PRKD3: variants seen among roughly 807,000 people sequenced by gnomAD.
The protein encoded by PRKD3 is protein kinase D3, also known as serine/threonine-protein kinase D3.
In PRKD3, 47 loss-of-function variants were observed where a neutral mutation model predicts 99.2. The ratio of observed to expected loss-of-function variants is 0.47; its 90% CI spans 0.38 to 0.60. PRKD3 has a LOEUF of 0.60. PRKD3 is among the 20% of genes least tolerant of loss of function. PRKD3 has a pLI of 0.00. For synonymous variants in PRKD3, 392 were observed against 355.4 expected (o/e 1.10, Z -1.16); for missense variants, 1,019 against 1,088.4 (o/e 0.94, Z 0.90).
chr2:37,322,453 T>C (rs752611252), intron 1 of PRKD3, among the ~76,000 whole-genome samples: 2 of 152,046 alleles, frequency 1.3e-5, no homozygotes, highest in African/African-American at 2.4e-5. Context: ...GTCCTTCCAC[T>C]GTCAGAGAGT....
chr2:37,277,079 T>C (rs1424217396), intron 9 of PRKD3, among the ~76,000 whole-genome samples: 1 of 152,108 alleles, frequency 6.6e-6, no homozygotes, highest in Admixed American at 6.5e-5. Context: ...GCTAAATGTA[T>C]TGGGTACTTC....
At chr2:37,307,582 T>C (rs1449442252) in intron 2 of PRKD3, among the ~76,000 whole-genome samples, 1 of 152,242 alleles carries the variant, frequency 6.6e-6, no homozygotes, top group African/African-American at 2.4e-5. Flanking sequence ...AGAGCAGGTA[T>C]GTGTTCTTTA....
chr2:37,275,864 A>G lies in PRKD3; in HGVS notation c.1297-20T>C. The G allele has an allele frequency of 6.2e-7, 1 of 1,600,362 alleles. No homozygotes were observed. Among genetic ancestry groups the G allele is most frequent in the Non-Finnish European group, 8.5e-7 (1 of 1,174,436 alleles). ...CTTTCTCTATAAAATGAAGATTGGA[A>G]AACTGTGAGGTTCAAAAATGATTCC... On this transcript the variant is annotated intron_variant, in intron 9 of 18. Coordinates refer to ENST00000234179, the MANE Select transcript of PRKD3 (RefSeq NM_005813.6).
chr2:37,291,272 C>T (rs1670409633), intron 3 of PRKD3, among the ~76,000 whole-genome samples: 1 of 152,192 alleles, frequency 6.6e-6, no homozygotes, highest in Non-Finnish European at 1.5e-5. Flanking sequence ...TACAAACAGA[C>T]ATTAGGTTAC....
chr2:37,319,473 G>T (rs891256772), intron 1 of PRKD3, among the ~76,000 whole-genome samples: 1 of 152,100 alleles, frequency 6.6e-6, no homozygotes, highest in Non-Finnish European at 1.5e-5. Context: ...AAATTAAACT[G>T]AAACTTAAAG....
intron 10 of PRKD3, among the ~76,000 whole-genome samples, chr2:37,275,177 C>A (rs1303697296): frequency 6.8e-6 from 1 of 146,702 alleles, no homozygotes; most frequent in Non-Finnish European, 1.5e-5. Flanking sequence ...TATTTTTAGT[C>A]CACTTCCTAA....
chr2:37,292,687 C>T (rs1158233305), intron 3 of PRKD3, among the ~76,000 whole-genome samples: 1 of 151,578 alleles, frequency 6.6e-6, no homozygotes, highest in Non-Finnish European at 1.5e-5. Context: ...GCTCTGTTGT[C>T]CAGGCGGAAG....
intron 1 of PRKD3, among the ~76,000 whole-genome samples, chr2:37,323,447 T>C (rs1671969133): frequency 6.6e-6 from 1 of 152,058 alleles, no homozygotes. Context: ...CCACGGTTTC[T>C]GTGTGACACG....
chr2:37,257,937 T>A (rs185311757), intron 16 of PRKD3, among the ~76,000 whole-genome samples: 1 of 152,148 alleles, frequency 6.6e-6, no homozygotes, highest in Non-Finnish European at 1.5e-5. Context: ...AAGGGAGCCA[T>A]AGTCACTACC....
chr2:37,260,198 TAA>T (rs199676568), intron 15 of PRKD3, 23 bp downstream of exon 15: 145 of 1,179,756 alleles, frequency 1.2e-4, no homozygotes, highest in South Asian at 1.4e-4. Flanking sequence ...ATCGCTAGTT[TAA>T]AAAAAAAAAG....
intron 1 of PRKD3, among the ~76,000 whole-genome samples, chr2:37,323,117 T>C (rs1671955003): frequency 6.6e-6 from 1 of 151,800 alleles, no homozygotes; most frequent in Admixed American, 6.6e-5. Context: ...TCTGTGTGTG[T>C]GGCAGTGTTT....
chr2:37,291,443 C>T (rs1189159325), intron 3 of PRKD3, among the ~76,000 whole-genome samples: 1 of 152,224 alleles, frequency 6.6e-6, no homozygotes, highest in Admixed American at 6.5e-5. Flanking sequence ...TTGTTCTCCA[C>T]AGTCCTAGTG....
At chr2:37,308,184 G>A (rs938098555) in intron 2 of PRKD3, among the ~76,000 whole-genome samples, 22 of 152,148 alleles carry the variant, frequency 1.4e-4, no homozygotes, top group African/African-American at 4.6e-4. Context: ...GCTCTATGTA[G>A]AAAGAAGACA....
At position 37,260,329 on chromosome 2, in the gene PRKD3, CG is replaced by C; in HGVS notation, c.1939del (p.Arg647GlufsTer4). On this transcript the variant is annotated frameshift_variant, in exon 15 of 19. Coordinates refer to ENST00000234179, the MANE Select transcript of PRKD3 (RefSeq NM_005813.6). LOFTEE classifies it high-confidence loss of function. ...NLECMFETPERVFVVMEKLHG... is the reference protein window; with the variant it reads ...NLECMFETPEXVFVVMEKLHG... ...CAGCTTTTCCATTACTACAAAGACT[CG>C]TTCTGGGGTTTCAAACATACATTCC... is the stretch of plus-strand genomic sequence containing the variant. 1 of 1,609,944 alleles carries C rather than the reference CG, an allele frequency of 6.2e-7. No individual in the cohort carries two copies. Among genetic ancestry groups the C allele is most frequent in the Non-Finnish European group, 8.5e-7 (1 of 1,176,328 alleles).
chr2:37,258,729 G>C (rs1182889659), intron 16 of PRKD3, among the ~76,000 whole-genome samples: 2 of 152,150 alleles, frequency 1.3e-5, no homozygotes, highest in Non-Finnish European at 2.9e-5. Context: ...AAAAGAATAT[G>C]ATTACTACTT....
rs1406021966 is a variant in PRKD3, at chr2:37,293,016, A to G, written c.427+117T>C. ...CATATGGTGACCATTATTAGAGATGAAAGAAATTAAGTAACAATAATACAA... is the reference window on the plus strand; with the variant it reads ...CATATGGTGACCATTATTAGAGATGGAAGAAATTAAGTAACAATAATACAA... On this transcript the variant is annotated intron_variant, in intron 3 of 18. Transcript: ENST00000234179. 31 of 1,136,036 alleles carry G rather than the reference A, an allele frequency of 2.7e-5. 1 individual carries two copies. Among genetic ancestry groups the G allele is most frequent in the Admixed American group, 7.1e-5 (3 of 42,164 alleles). 70.4% of individuals were successfully genotyped at this position (1,136,036 alleles called of 1,614,324 possible).
rs145265371 is a variant in PRKD3 at position 37,251,508 on chromosome 2, C to G, written c.*1669G>C. 1.8e-3 allele frequency: 279 copies of G among 152,632 alleles called. 2 individuals carry two copies. Among genetic ancestry groups the G allele is most frequent in the East Asian group, 6.0e-3 (31 of 5,188 alleles). 9.5% of individuals were successfully genotyped at this position (152,632 alleles called of 1,614,324 possible). A position where few individuals can be genotyped will look rare whatever the true frequency, so the allele number is the denominator to read the frequency against. ...TAAAAGAACTTAGAACACAGGAGTACTGCATACTGTTTGCTACTATTCTTT... is the reference window on the plus strand; with the variant it reads ...TAAAAGAACTTAGAACACAGGAGTAGTGCATACTGTTTGCTACTATTCTTT... On this transcript the variant is annotated 3_prime_UTR_variant, in exon 19 of 19. Coordinates refer to ENST00000234179, the MANE Select transcript of PRKD3 (RefSeq NM_005813.6).
At chr2:37,302,874 C>T (rs532866616) in intron 2 of PRKD3, among the ~76,000 whole-genome samples, 3 of 152,228 alleles carry the variant, frequency 2.0e-5, no homozygotes, top group East Asian at 3.9e-4. Context: ...TGGGTCCTGG[C>T]GAAACCCCAC....
chr2:37,251,331 G>A lies in PRKD3; in HGVS notation c.*1846C>T, dbSNP rs1191978440. On this transcript the variant is annotated 3_prime_UTR_variant, in exon 19 of 19. Coordinates refer to ENST00000234179, the MANE Select transcript of PRKD3 (RefSeq NM_005813.6). The stretch of plus-strand genomic sequence containing the variant: ...CAGCATAATGGTTGGGAGGGCTAAG[G>A]GTAAGATTAGAGCCATACTACTGGT... 1 of 152,486 alleles carries A rather than the reference G, an allele frequency of 6.6e-6. No homozygotes were observed. Among genetic ancestry groups the A allele is most frequent in the Non-Finnish European group, 1.5e-5 (1 of 68,002 alleles). 9.4% of individuals were successfully genotyped at this position (152,486 alleles called of 1,614,324 possible).
Sources: allele counts gnomAD v4.1 joint callset (sites outside exome capture counted in the v4.1 genomes callset), GRCh38; gene constraint gnomAD v4.1.1; transcripts MANE v1.5; gene names NCBI Gene and HGNC (gene_info 2026-07-23, HGNC 2026-07-21).